The following LRCH1 variants were observed in gnomAD, a reference collection of about 807,000 sequenced individuals.
The protein encoded by LRCH1 is leucine rich repeats and calponin homology domain containing 1.
Under a neutral mutation model 94.9 loss-of-function variants are expected in LRCH1, and 23 were observed. The ratio of observed to expected loss-of-function variants is 0.24; its 90% CI spans 0.17 to 0.34. LRCH1 has a LOEUF of 0.34. Among genes scored for constraint, LRCH1 ranks in the 10% least tolerant of loss-of-function variants. LRCH1 has a pLI of 1.00. For synonymous variants in LRCH1, 364 were observed against 354.9 expected (o/e 1.03, Z -0.29); for missense variants, 790 against 945.9 (o/e 0.84, Z 2.16).
At chr13:46,572,897 A>T (rs1471885839) in intron 1 of LRCH1, among the ~76,000 whole-genome samples, 1 of 152,108 alleles carries the variant, frequency 6.6e-6, no homozygotes, top group Non-Finnish European at 1.5e-5. Flanking sequence ...CGTGCTCAGT[A>T]GCTTGCAACC....
chr13:46,611,344 T>C (rs1210702801), intron 1 of LRCH1, among the ~76,000 whole-genome samples: 1 of 152,148 alleles, frequency 6.6e-6, no homozygotes, highest in African/African-American at 2.4e-5. Context: ...TTCTTCTGGT[T>C]GGGGTATGGA....
intron 1 of LRCH1, among the ~76,000 whole-genome samples, chr13:46,571,823 T>A (rs1225972190): frequency 1.3e-5 from 2 of 152,124 alleles, no homozygotes; most frequent in African/African-American, 2.4e-5. Flanking sequence ...ACTTATGGGG[T>A]TGCTGTGATG....
intron 1 of LRCH1, among the ~76,000 whole-genome samples, chr13:46,638,637 T>C (rs2051121400): frequency 1.3e-5 from 2 of 152,220 alleles, no homozygotes; most frequent in Non-Finnish European, 2.9e-5. Context: ...TTTAAAAATA[T>C]ACTGATACAT....
chr13:46,700,552 C>A (rs1482515745), intron 10 of LRCH1, among the ~76,000 whole-genome samples: 2 of 152,176 alleles, frequency 1.3e-5, no homozygotes, highest in East Asian at 1.9e-4. Flanking sequence ...TCAACCCTGG[C>A]TGTAAAGGAT....
At chr13:46,634,295 G>A (rs956875782) in intron 1 of LRCH1, among the ~76,000 whole-genome samples, 34 of 152,198 alleles carry the variant, frequency 2.2e-4, no homozygotes, top group Admixed American at 1.6e-3. Flanking sequence ...TAAGGTCTGC[G>A]AATTCTACCT....
chr13:46,709,850 A>C (rs1345066900), intron 13 of LRCH1, among the ~76,000 whole-genome samples: 1 of 152,194 alleles, frequency 6.6e-6, no homozygotes, highest in African/African-American at 2.4e-5. Context: ...GGAGGGGAAT[A>C]GCTGGCCCTG....
At chr13:46,750,796 G>T in exon 19 of LRCH1, 2 of 583,242 alleles carry the variant, frequency 3.4e-6, no homozygotes, top group Non-Finnish European at 3.0e-6. Context: ...TCAGTCTAAG[G>T]GAGGATTTTC....
At chr13:46,623,861 C>A (rs1566183407) in intron 1 of LRCH1, among the ~76,000 whole-genome samples, 1 of 121,968 alleles carries the variant, frequency 8.2e-6, no homozygotes, top group Non-Finnish European at 1.7e-5. Flanking sequence ...TCCCTCCCCC[C>A]TCCCCATCTC....
intron 3 of LRCH1, among the ~76,000 whole-genome samples, chr13:46,677,255 C>CAAA (rs67827727): frequency 8.2e-5 from 8 of 98,050 alleles, no homozygotes; most frequent in Non-Finnish European, 1.2e-4. Flanking sequence ...ACTAAAAATA[C>CAAA]AAAAAAAAAA....
intron 1 of LRCH1, among the ~76,000 whole-genome samples, chr13:46,620,151 C>A (rs989450634): frequency 2.6e-5 from 4 of 152,186 alleles, no homozygotes; most frequent in Non-Finnish European, 5.9e-5. Context: ...GGCCTATCCA[C>A]AGCTACCCAG....
chr13:46,692,424 AT>A (rs1870945492), intron 7 of LRCH1, 111 bp from the exon 8 acceptor site: 6 of 783,130 alleles, frequency 7.7e-6, no homozygotes, highest in Non-Finnish European at 1.0e-5. Flanking sequence ...GGCAACTTAT[AT>A]TCAATATGAT....
intron 1 of LRCH1, among the ~76,000 whole-genome samples, chr13:46,621,236 A>T (rs543526837): frequency 6.6e-6 from 1 of 152,330 alleles, no homozygotes; most frequent in South Asian, 2.1e-4. Context: ...TGTTGCAGGT[A>T]CCACAGTGGA....
chr13:46,627,194 C>A (rs1371294491), intron 1 of LRCH1, among the ~76,000 whole-genome samples: 7 of 152,086 alleles, frequency 4.6e-5, no homozygotes, highest in Admixed American at 4.6e-4. Context: ...TGTATATACA[C>A]AAAATTTGAC....
At chr13:46,740,173 A>G (rs1274160148) in intron 19 of LRCH1, among the ~76,000 whole-genome samples, 1 of 152,232 alleles carries the variant, frequency 6.6e-6, no homozygotes, top group Non-Finnish European at 1.5e-5. Flanking sequence ...TTCCTCATCT[A>G]TTAATCCATG....
chr13:46,554,548 G>A (rs1456679807), intron 1 of LRCH1, among the ~76,000 whole-genome samples: 1 of 152,234 alleles, frequency 6.6e-6, no homozygotes, highest in Non-Finnish European at 1.5e-5. Flanking sequence ...TTTCCTGTGT[G>A]AGCCCGGCAA....
chr13:46,724,177 A>T lies in LRCH1; in HGVS notation c.1869+847A>T, dbSNP rs535674136. On this transcript the variant is annotated intron_variant, in intron 17 of 19. Coordinates refer to ENST00000389797, the MANE Select transcript of LRCH1 (RefSeq NM_001164211.2). ...CTAATTTTTTGTATTTTTACTAGAA[A>T]AACGTTGGGATTACAGGTATGAGCC... Among the ~76,000 whole-genome samples the T allele has an allele frequency of 3.5e-3, 534 of 152,132 alleles. 1 individual carries two copies. Among genetic ancestry groups the T allele is most frequent in the Non-Finnish European group, 4.6e-3 (311 of 67,996 alleles).
At chr13:46,566,414 G>A (rs916466366) in intron 1 of LRCH1, among the ~76,000 whole-genome samples, 1 of 152,094 alleles carries the variant, frequency 6.6e-6, no homozygotes, top group Non-Finnish European at 1.5e-5. Flanking sequence ...ACATCTCCCT[G>A]AGGCTACTGA....
At chr13:46,623,429 A>T (rs2050903889) in intron 1 of LRCH1, among the ~76,000 whole-genome samples, 1 of 152,190 alleles carries the variant, frequency 6.6e-6, no homozygotes, top group Non-Finnish European at 1.5e-5. Flanking sequence ...TAAGAGTCTT[A>T]AATAAAATGT....
intron 11 of LRCH1, among the ~76,000 whole-genome samples, chr13:46,703,821 C>T (rs1030253589): frequency 6.6e-6 from 1 of 150,892 alleles, no homozygotes; most frequent in African/African-American, 2.4e-5. Flanking sequence ...GAATTAGGTA[C>T]CAATTGTGCA....
Sources: allele counts gnomAD v4.1 joint callset (sites outside exome capture counted in the v4.1 genomes callset), GRCh38; gene constraint gnomAD v4.1.1; transcripts MANE v1.5; gene names NCBI Gene and HGNC (gene_info 2026-07-23, HGNC 2026-07-21).